The following NUMB variants were observed in gnomAD, a reference collection of about 807,000 sequenced individuals.
The protein encoded by NUMB is protein numb homolog.
Under a neutral mutation model 59.7 loss-of-function variants are expected in NUMB, and 29 were observed. That is an observed-to-expected ratio of 0.49 (90% CI 0.36 to 0.66). The LOEUF is 0.66. Among genes scored for constraint, NUMB ranks in the 30% least tolerant of loss-of-function variants. The probability of loss-of-function intolerance (pLI) is 0.00; values close to 1 mark genes in which losing one functional copy is unlikely to be tolerated. For synonymous variants in NUMB, 288 were observed against 288.2 expected (o/e 1.00, Z 0.01); for missense variants, 723 against 822.0 (o/e 0.88, Z 1.47).
chr14:73,429,409 C>T (rs1897728906), intron 1 of NUMB, among the ~76,000 whole-genome samples: 1 of 151,978 alleles, frequency 6.6e-6, no homozygotes, highest in South Asian at 2.1e-4. Context: ...TATAGTTTTG[C>T]CTGTTCCAAA....
chr14:73,424,156 AAT>A (rs1033635487), intron 1 of NUMB, among the ~76,000 whole-genome samples: 74 of 152,056 alleles, frequency 4.9e-4, no homozygotes, highest in Non-Finnish European at 9.6e-4. Flanking sequence ...CTCATTTCTG[AAT>A]ATGAGAAATT....
chr14:73,445,476 C>T (rs560335503), intron 1 of NUMB, among the ~76,000 whole-genome samples: 5 of 139,966 alleles, frequency 3.6e-5, no homozygotes, highest in African/African-American at 1.3e-4. Flanking sequence ...GTGACAAAGT[C>T]AAAAAGAATT....
In NUMB at chr14:73,383,040, G is replaced by C. The variant is rs143264865; in HGVS notation, c.-100-16059C>G. ...ACACATATGTAATCCCAGCTACTTG[G>C]GAGGCTGAGGCACAAGAATTACTTG... On this transcript the variant is annotated intron_variant, in intron 2 of 12. Transcript: ENST00000555238. Among the ~76,000 whole-genome samples the C allele has an allele frequency of 4.3e-4, 65 of 152,310 alleles. No homozygotes were observed. The East Asian group carries it at 0.012, about 28-fold the overall frequency.
intron 3 of NUMB, among the ~76,000 whole-genome samples, chr14:73,359,855 CTCCT>C (rs1471886084): frequency 3.3e-5 from 5 of 151,642 alleles, no homozygotes; most frequent in Admixed American, 6.6e-5. Context: ...TCTTGTCTTG[CTCCT>C]CTCTTTTTCC....
intron 2 of NUMB, among the ~76,000 whole-genome samples, chr14:73,398,808 A>G (rs1345387215): frequency 6.6e-6 from 1 of 152,156 alleles, no homozygotes; most frequent in African/African-American, 2.4e-5. Context: ...CTGGGTAGCC[A>G]TTCTAAAAAA....
At chr14:73,446,916 C>T (rs948205365) in intron 1 of NUMB, among the ~76,000 whole-genome samples, 4 of 152,060 alleles carry the variant, frequency 2.6e-5, no homozygotes, top group African/African-American at 9.7e-5. Context: ...AGGCCGGGCG[C>T]AGTGGCTCAC....
rs557290865 is a variant in NUMB at position 73,337,182 on chromosome 14, T to C, written c.127-13978A>G. On this transcript the variant is annotated intron_variant, in intron 4 of 12. Coordinates refer to ENST00000555238, the MANE Select transcript of NUMB (RefSeq NM_001005743.2). Reference sequence around the variant, plus strand: ...ATCTCAATAAGTACACGAAAACTTTTGCTAAAGTTCAGTTTTCATTCATAG... The same window carrying C: ...ATCTCAATAAGTACACGAAAACTTTCGCTAAAGTTCAGTTTTCATTCATAG... Among the ~76,000 whole-genome samples, 47 of 152,200 alleles carry C rather than the reference T, an allele frequency of 3.1e-4. No individual in the cohort carries two copies. In the South Asian group the frequency reaches 9.5e-3, roughly 31 times the overall value.
At chr14:73,376,712 C>A (rs1370698044) in intron 2 of NUMB, among the ~76,000 whole-genome samples, 1 of 152,086 alleles carries the variant, frequency 6.6e-6, no homozygotes, top group Non-Finnish European at 1.5e-5. Flanking sequence ...AACAGACCCA[C>A]ATAAACACAG....
chr14:73,357,066 A>T (rs1051768467), intron 3 of NUMB: 23 of 895,554 alleles, frequency 2.6e-5, no homozygotes, highest in Non-Finnish European at 2.9e-5. Context: ...ATAGTAACAT[A>T]AAAAAAATGA....
chr14:73,323,369 A>T lies in NUMB; in HGVS notation c.127-165T>A. 3 of 516,774 alleles carry T rather than the reference A, an allele frequency of 5.8e-6. No individual in the cohort carries two copies. In the African/African-American group the frequency reaches 5.9e-5, roughly 10 times the overall value. The allele number at this position is 516,774 out of a possible 1,614,324, so 32.0% of individuals were successfully genotyped here. On this transcript the variant is annotated intron_variant, in intron 4 of 12. Coordinates refer to ENST00000555238, the MANE Select transcript of NUMB (RefSeq NM_001005743.2). Reference sequence around the variant, plus strand: ...AAGCATGTTGGATAAGAGACACACAACCTGTATTGAAATTCCTACACTCAA... The same window carrying T: ...AAGCATGTTGGATAAGAGACACACATCCTGTATTGAAATTCCTACACTCAA...
chr14:73,408,137 G>A (rs1896756465), intron 2 of NUMB, among the ~76,000 whole-genome samples: 1 of 151,996 alleles, frequency 6.6e-6, no homozygotes, highest in Non-Finnish European at 1.5e-5. Flanking sequence ...TGAGGCAGGA[G>A]AATGGCATGA....
intron 2 of NUMB, among the ~76,000 whole-genome samples, chr14:73,399,977 T>G (rs1402606719): frequency 6.6e-6 from 1 of 151,944 alleles, no homozygotes; most frequent in Non-Finnish European, 1.5e-5. Context: ...AGATGGAGGT[T>G]GCAGTGAGCT....
At position 73,284,235 on chromosome 14, in the gene NUMB, A is replaced by G; in HGVS notation, c.795T>C (p.His265=). 1 of 1,614,184 alleles carries G rather than the reference A, an allele frequency of 6.2e-7. No homozygotes were observed. The highest frequency in any genetic ancestry group is 8.5e-7 in the Non-Finnish European group (1 of 1,180,014). Residue 265 remains histidine (H), a synonymous_variant, in exon 10 of 13, where the codon CAT becomes CAC. Transcript: ENST00000555238. ...MNNPHAIPRR[H]APIEQLARQG... The stretch of plus-strand genomic sequence containing the variant: ...GGCGAGCAAGCTGTTCAATTGGAGC[A>G]TGCCGGCGTGGGATGGCATGAGGAT...
intron 4 of NUMB, among the ~76,000 whole-genome samples, chr14:73,338,163 T>C (rs573526731): frequency 6.6e-6 from 1 of 151,992 alleles, no homozygotes; most frequent in South Asian, 2.1e-4. Flanking sequence ...GGCATCTGTA[T>C]GTAGTCCCAA....
chr14:73,318,751 T>C (rs149236565), intron 5 of NUMB, among the ~76,000 whole-genome samples: 204 of 152,338 alleles, frequency 1.3e-3, no homozygotes, highest in Middle Eastern at 6.8e-3. Flanking sequence ...GAGTTGAAAA[T>C]AGCTGTCAAT....
chr14:73,414,054 A>T (rs1420798224), intron 1 of NUMB, among the ~76,000 whole-genome samples: 1 of 151,536 alleles, frequency 6.6e-6, no homozygotes, highest in Non-Finnish European at 1.5e-5. Context: ...TCTCGGGTTC[A>T]AGGGATTCTC....
chr14:73,317,482 A>G (rs968587800), intron 5 of NUMB, among the ~76,000 whole-genome samples: 6 of 152,134 alleles, frequency 3.9e-5, no homozygotes, highest in African/African-American at 1.4e-4. Flanking sequence ...TTGTATTTTT[A>G]GTAGAGACAG....
intron 2 of NUMB, among the ~76,000 whole-genome samples, chr14:73,396,583 T>A (rs1264182520): frequency 6.6e-6 from 1 of 152,074 alleles, no homozygotes; most frequent in Admixed American, 6.6e-5. Flanking sequence ...TTACCTGGGC[T>A]GGTCTCAAAC....
At chr14:73,372,486 A>G (rs1374890270) in intron 2 of NUMB, among the ~76,000 whole-genome samples, 1 of 148,500 alleles carries the variant, frequency 6.7e-6, no homozygotes, top group Non-Finnish European at 1.5e-5. Flanking sequence ...CAGATATTTA[A>G]TATTTAAATA....
Sources: allele counts gnomAD v4.1 joint callset (sites outside exome capture counted in the v4.1 genomes callset), GRCh38; gene constraint gnomAD v4.1.1; transcripts MANE v1.5; gene names NCBI Gene and HGNC (gene_info 2026-07-23, HGNC 2026-07-21).